The following VAT1L variants were observed in gnomAD, a reference collection of about 807,000 sequenced individuals.
VAT1L encodes the protein vesicle amine transport 1 like.
In VAT1L, 34 loss-of-function variants were observed where a neutral mutation model predicts 44.1. The observed-to-expected ratio is 0.77, with a 90% CI of 0.59 to 1.03. The LOEUF (loss-of-function observed/expected upper bound fraction) is 1.03. Among genes scored for constraint, VAT1L ranks in the 50% least tolerant of loss-of-function variants. The pLI is 0.00. For synonymous variants in VAT1L, 253 were observed against 202.2 expected, an observed-to-expected ratio of 1.25 and a Z score of -2.13; for missense variants, 615 against 538.8, an observed-to-expected ratio of 1.14 and a Z score of -1.40.
intron 8 of VAT1L, among the ~76,000 whole-genome samples, chr16:77,973,969 G>A (rs1408049007): frequency 1.3e-5 from 2 of 151,410 alleles, no homozygotes; most frequent in Non-Finnish European, 2.9e-5. Context: ...CGCCCACCTC[G>A]GCCTCCCAAA....
chr16:77,803,819 G>A (rs550276885), intron 1 of VAT1L, among the ~76,000 whole-genome samples: 2 of 152,132 alleles, frequency 1.3e-5, no homozygotes, highest in Non-Finnish European at 2.9e-5. Flanking sequence ...CTTTGGCTCC[G>A]ATGAGAAATC....
chr16:77,930,218 G>A (rs1340662788), intron 7 of VAT1L, among the ~76,000 whole-genome samples: 1 of 152,110 alleles, frequency 6.6e-6, no homozygotes. Flanking sequence ...TTGTTGAGAT[G>A]AACCACTGAA....
chr16:77,911,019 C>T (rs1403169416), intron 7 of VAT1L, among the ~76,000 whole-genome samples: 1 of 152,190 alleles, frequency 6.6e-6, no homozygotes, highest in Non-Finnish European at 1.5e-5. Flanking sequence ...TGAACCCATG[C>T]AACCTTGCTT....
Position 77,884,585 on chromosome 16 carries a change from C to T in VAT1L, c.883-23C>T, listed in dbSNP as rs55782503. ...TAACCCCGGTATTGAGTTCCTATAA[C>T]CCAATACCACCTCTCTTTGCAGTGG... is the stretch of plus-strand genomic sequence containing the variant. On this transcript the variant is annotated intron_variant, in intron 6 of 8. Transcript: ENST00000302536. This position sits in a 1 kb window ranked among gnomAD's most constrained non-coding sequence, Gnocchi z 4.5. 1,239 of 1,607,174 alleles carry T rather than the reference C, an allele frequency of 7.7e-4. 7 individuals carry two copies. In the African/African-American group the frequency reaches 0.013, roughly 17 times the overall value.
chr16:77,810,934 C>T (rs1050575297), intron 1 of VAT1L, among the ~76,000 whole-genome samples: 5 of 152,160 alleles, frequency 3.3e-5, no homozygotes, highest in African/African-American at 9.7e-5. Context: ...ATTACTTTTG[C>T]ACCAACCTAA....
chr16:77,963,631 G>A (rs2018188472), intron 7 of VAT1L, among the ~76,000 whole-genome samples: 2 of 151,782 alleles, frequency 1.3e-5, no homozygotes, highest in Non-Finnish European at 2.9e-5. Context: ...ATAAAGGGGG[G>A]AAAAACCCAC....
At chr16:77,930,952 G>A (rs1342486288) in intron 7 of VAT1L, among the ~76,000 whole-genome samples, 1 of 152,158 alleles carries the variant, frequency 6.6e-6, no homozygotes, top group Non-Finnish European at 1.5e-5. Flanking sequence ...GCTGTACTAA[G>A]AATCTTAAAT....
At chr16:77,805,766 G>C (rs555689707) in intron 1 of VAT1L, among the ~76,000 whole-genome samples, 1 of 151,716 alleles carries the variant, frequency 6.6e-6, no homozygotes, top group Non-Finnish European at 1.5e-5. Flanking sequence ...AGAAAGCCCT[G>C]AAGTGTGATT....
At chr16:77,942,563 G>A (rs900780781) in intron 7 of VAT1L, among the ~76,000 whole-genome samples, 3 of 152,084 alleles carry the variant, frequency 2.0e-5, no homozygotes, top group Non-Finnish European at 2.9e-5. Flanking sequence ...TTGCCACACT[G>A]CCTTTGGAGA....
chr16:77,856,013 A>AAAACAAAC (rs372155498), intron 3 of VAT1L, among the ~76,000 whole-genome samples: 3 of 152,008 alleles, frequency 2.0e-5, no homozygotes, highest in African/African-American at 7.3e-5. Flanking sequence ...AGACTCCGTC[A>AAAACAAAC]AAACAAACAA....
chr16:77,942,992 G>A (rs193122877), intron 7 of VAT1L, among the ~76,000 whole-genome samples: 110 of 151,956 alleles, frequency 7.2e-4, no homozygotes, highest in African/African-American at 2.4e-3. Flanking sequence ...TGATCTGCCC[G>A]CCTCGGCCTC....
intron 7 of VAT1L, among the ~76,000 whole-genome samples, chr16:77,932,912 G>C (rs527735042): frequency 6.6e-5 from 10 of 152,320 alleles, no homozygotes; most frequent in Non-Finnish European, 8.8e-5. Context: ...AAGCATGTTA[G>C]AACTCTACAG....
At chr16:77,833,439 G>A (rs1477928596) in intron 3 of VAT1L, among the ~76,000 whole-genome samples, 1 of 152,190 alleles carries the variant, frequency 6.6e-6, no homozygotes, top group Non-Finnish European at 1.5e-5. Flanking sequence ...AACAAGGGTG[G>A]AGGAGGAGGT....
At chr16:77,954,879 T>G (rs1597119558) in intron 7 of VAT1L, among the ~76,000 whole-genome samples, 1 of 152,362 alleles carries the variant, frequency 6.6e-6, no homozygotes, top group Admixed American at 6.5e-5. Flanking sequence ...AATACATCAC[T>G]TTTTAAAAGC....
chr16:77,809,733 T>G (rs891104115), intron 1 of VAT1L, among the ~76,000 whole-genome samples: 1 of 152,232 alleles, frequency 6.6e-6, no homozygotes, highest in African/African-American at 2.4e-5. Flanking sequence ...GTTCATAGTC[T>G]TTATCGAGTT....
chr16:77,970,190 T>C (rs2018264340), intron 7 of VAT1L, among the ~76,000 whole-genome samples: 1 of 152,108 alleles, frequency 6.6e-6, no homozygotes, highest in Admixed American at 6.5e-5. Context: ...GATCTGTGAT[T>C]GTACTGCTTT....
At position 77,853,555 on chromosome 16, in the gene VAT1L, G is replaced by C. The variant is rs118186191; in HGVS notation, c.580-9193G>C. Among the ~76,000 whole-genome samples, 535 of 152,222 alleles carry C rather than the reference G, an allele frequency of 3.5e-3. 10 individuals carry two copies. The highest frequency in any genetic ancestry group is 0.018 in the East Asian group (94 of 5,174). ...TCTAAATCACAGGGAATGTGCCAGTGATTTACCATGATGATTTATGTCAGT... is the reference window on the plus strand; with the variant it reads ...TCTAAATCACAGGGAATGTGCCAGTCATTTACCATGATGATTTATGTCAGT... On this transcript the variant is annotated intron_variant, in intron 3 of 8. Coordinates refer to ENST00000302536, the MANE Select transcript of VAT1L (RefSeq NM_020927.3).
At chr16:77,939,106 TCCAC>T (rs2017842530) in intron 7 of VAT1L, among the ~76,000 whole-genome samples, 1 of 152,180 alleles carries the variant, frequency 6.6e-6, no homozygotes, top group Non-Finnish European at 1.5e-5. Context: ...TCCTAGGTAC[TCCAC>T]CCACAGTGCA....
intron 1 of VAT1L, chr16:77,800,505 G>A (rs2016027574): frequency 6.6e-6 from 1 of 152,182 alleles, no homozygotes; most frequent in African/African-American, 2.4e-5. Flanking sequence ...GCACCCTTCA[G>A]TACCCACAGA....
Sources: gnomAD v4.1 joint callset for allele counts (sites outside exome capture counted in the v4.1 genomes callset) on GRCh38, gnomAD v4.1.1 for gene constraint, Gnocchi (gnomAD v3.1) non-coding constraint, MANE v1.5 for transcripts, NCBI Gene and HGNC (gene_info 2026-07-23, HGNC 2026-07-21) for gene names.